Variants in OR8B3 observed in about 807,000 individuals in gnomAD.
OR8B3 encodes olfactory receptor 8B3.
For missense variants in OR8B3, 278 were observed against 377.6 expected (o/e 0.74, Z 2.19); for synonymous variants, 102 against 135.4 (o/e 0.75, Z 1.71).
chr11:124,403,986 G>A (rs150573275), upstream of OR8B3, among the ~76,000 whole-genome samples: 44 of 152,126 alleles, frequency 2.9e-4, no homozygotes, highest in Admixed American at 1.3e-3. Flanking sequence ...GGCGGCGCGC[G>A]CCTGCAATCC....
the OR8B3 span, among the ~76,000 whole-genome samples, chr11:124,408,065 T>C: frequency 3.1e-3 from 469 of 152,362 alleles, 1 homozygote; most frequent in Non-Finnish European, 5.4e-3. Flanking sequence ...TATGTATTAA[T>C]GTAACTTTCC....
intron 1 of OR8B3, among the ~76,000 whole-genome samples, chr11:124,397,850 G>A (rs1166585956): frequency 4.0e-5 from 6 of 151,800 alleles, no homozygotes; most frequent in Non-Finnish European, 7.4e-5. Context: ...CACATGCCAC[G>A]ATCCCAGCTA....
chr11:124,400,295 A>G (rs1240735752), upstream of OR8B3, among the ~76,000 whole-genome samples: 1 of 152,254 alleles, frequency 6.6e-6, no homozygotes, highest in African/African-American at 2.4e-5. Context: ...AATTAAGATC[A>G]TTAACACACC....
chr11:124,399,217 TA>T (rs1414919310), upstream of OR8B3, among the ~76,000 whole-genome samples: 2 of 152,212 alleles, frequency 1.3e-5, no homozygotes, highest in African/African-American at 4.8e-5. Flanking sequence ...TTTTGCTAAT[TA>T]TAATCCTAGG....
At chr11:124,408,839 T>G in the OR8B3 span, among the ~76,000 whole-genome samples, 1 of 152,156 alleles carries the variant, frequency 6.6e-6, no homozygotes, top group Non-Finnish European at 1.5e-5. Flanking sequence ...TCACCACCCC[T>G]TTTCTAGAAA....
chr11:124,408,250 A>G, the OR8B3 span, among the ~76,000 whole-genome samples: 403 of 152,186 alleles, frequency 2.6e-3, 2 homozygotes, highest in East Asian at 0.011. Flanking sequence ...TTCCTTTTCA[A>G]TCCATTGGCA....
chr11:124,406,825 A>ACG, the OR8B3 span, among the ~76,000 whole-genome samples: 1 of 149,116 alleles, frequency 6.7e-6, no homozygotes, highest in Non-Finnish European at 1.5e-5. Flanking sequence ...ACACACACAC[A>ACG]CACGCACAAT....
the OR8B3 span, among the ~76,000 whole-genome samples, chr11:124,404,059 G>A: frequency 3.3e-5 from 5 of 152,200 alleles, no homozygotes; most frequent in South Asian, 2.1e-4. Flanking sequence ...CAGAGATGGC[G>A]GCAGCACAGT....
the OR8B3 span, among the ~76,000 whole-genome samples, chr11:124,405,418 C>G: frequency 0.24 from 36,667 of 152,144 alleles, 4,960 homozygotes; most frequent in South Asian, 0.39. Context: ...GAGTATTCCC[C>G]TAGAATCTTT....
At chr11:124,406,793 CCA>C in the OR8B3 span, among the ~76,000 whole-genome samples, 7,482 of 144,532 alleles carry the variant, frequency 0.052, 212 homozygotes, top group South Asian at 0.13. Context: ...CTCCTTCTCA[CCA>C]CACACACACA....
At chr11:124,406,521 A>T in the OR8B3 span, among the ~76,000 whole-genome samples, 2 of 152,092 alleles carry the variant, frequency 1.3e-5, no homozygotes, top group East Asian at 1.9e-4. Context: ...TTTTCTTATG[A>T]TTTCCAGAAC....
At chr11:124,402,757 G>T (rs1182252260), upstream of OR8B3, among the ~76,000 whole-genome samples, 6 of 152,120 alleles carry the variant, frequency 3.9e-5, no homozygotes, top group Admixed American at 1.3e-4. Context: ...TCAGATTTCT[G>T]CATGGTAGAG....
chr11:124,407,884 C>T, the OR8B3 span, among the ~76,000 whole-genome samples: 5,939 of 152,162 alleles, frequency 0.039, 407 homozygotes, highest in African/African-American at 0.14. Flanking sequence ...ATCTAATAGA[C>T]GGACATGTTA....
At chr11:124,406,823 A>G in the OR8B3 span, among the ~76,000 whole-genome samples, 1 of 150,728 alleles carries the variant, frequency 6.6e-6, no homozygotes, top group African/African-American at 2.5e-5. Flanking sequence ...ACACACACAC[A>G]CACACGCACA....
upstream of OR8B3, among the ~76,000 whole-genome samples, chr11:124,401,222 C>CAGAGAGAG (rs3071311): frequency 0.31 from 44,167 of 142,216 alleles, 6,955 homozygotes; most frequent in East Asian, 0.51. Flanking sequence ...TGCAAAGAGA[C>CAGAGAGAG]AGAGAGAGAG....
chr11:124,408,880 G>A, the OR8B3 span, among the ~76,000 whole-genome samples: 1 of 152,168 alleles, frequency 6.6e-6, no homozygotes, highest in Admixed American at 6.5e-5. Context: ...TAATTTGCAT[G>A]CAATTAGAAG....
chr11:124,396,808 G>T lies in OR8B3; in HGVS notation c.544C>A (p.Leu182Ile). Residue 182 changes from leucine (L) to isoleucine (I), a missense_variant, in exon 2 of 2, where the codon CTC (leucine) becomes ATC (isoleucine). By Grantham distance (5) the Leu-to-Ile change is conservative. Transcript: ENST00000641139. ...NIINHYLCDI[L>I]PLLQLSCTST... ...GTGCAGGAAAGCTGGAGGAGGGGGA[G>T]TATGTCACACAAGTAATGGTTGATG... 1 of 1,590,666 alleles carries T rather than the reference G, an allele frequency of 6.3e-7. No homozygotes were observed. The highest frequency in any genetic ancestry group is 8.6e-7 in the Non-Finnish European group (1 of 1,161,040).
upstream of OR8B3, among the ~76,000 whole-genome samples, chr11:124,401,847 G>T (rs3867246): frequency 0.024 from 3,686 of 152,296 alleles, 169 homozygotes; most frequent in African/African-American, 0.084. Context: ...CAGCACCTAA[G>T]GCTGAGCACT....
At chr11:124,407,259 T>C in the OR8B3 span, among the ~76,000 whole-genome samples, 1 of 152,180 alleles carries the variant, frequency 6.6e-6, no homozygotes, top group Admixed American at 6.5e-5. Flanking sequence ...TTTCTGGGAA[T>C]TCTCTTCACC....
Sources: gnomAD v4.1 joint callset for allele counts (sites outside exome capture counted in the v4.1 genomes callset) on GRCh38, gnomAD v4.1.1 for gene constraint, MANE v1.5 for transcripts, NCBI Gene and HGNC (gene_info 2026-07-23, HGNC 2026-07-21) for gene names.